Variants in FAM13A observed in about 807,000 individuals in gnomAD.
FAM13A encodes the protein protein FAM13A.
In FAM13A, 76 loss-of-function variants were observed where a neutral mutation model predicts 129.6. The ratio of observed to expected loss-of-function variants is 0.59; its 90% CI spans 0.49 to 0.71. The LOEUF is 0.71. Ranked by LOEUF, FAM13A falls within the 30% of genes least tolerant of loss-of-function variation. FAM13A has a pLI of 0.00. For synonymous variants in FAM13A, 443 were observed against 449.9 expected, an observed-to-expected ratio of 0.98 and a Z score of 0.20; for missense variants, 1,108 against 1,249.3, an observed-to-expected ratio of 0.89 and a Z score of 1.70.
At chr4:89,053,609 G>GA (rs1478306921) in intron 1 of FAM13A, among the ~76,000 whole-genome samples, 1 of 152,102 alleles carries the variant, frequency 6.6e-6, no homozygotes, top group Non-Finnish European at 1.5e-5. Flanking sequence ...AAGTTAGAGA[G>GA]AAAGGCTACG....
intron 6 of FAM13A, among the ~76,000 whole-genome samples, chr4:88,891,760 A>G (rs1745363373): frequency 6.6e-6 from 1 of 152,252 alleles, no homozygotes; most frequent in African/African-American, 2.4e-5. Context: ...TAACTCATTT[A>G]AGACAAAAAC....
At chr4:89,030,916 C>G (rs895361615) in intron 1 of FAM13A, among the ~76,000 whole-genome samples, 2 of 152,074 alleles carry the variant, frequency 1.3e-5, no homozygotes, top group Admixed American at 1.3e-4. Flanking sequence ...AGAATCAGGT[C>G]AGCTTTTACT....
chr4:88,816,875 T>C (rs1315318698), intron 7 of FAM13A, among the ~76,000 whole-genome samples: 1 of 152,214 alleles, frequency 6.6e-6, no homozygotes, highest in African/African-American at 2.4e-5. Flanking sequence ...TAGGGATCCG[T>C]TTGGCTCTAA....
intron 7 of FAM13A, among the ~76,000 whole-genome samples, chr4:88,842,283 A>C (rs538476299): frequency 6.6e-6 from 1 of 152,352 alleles, no homozygotes; most frequent in South Asian, 2.1e-4. Context: ...ATAAAAGGGA[A>C]AATGTTAGCA....
chr4:88,796,712 G>C (rs1413590829), intron 8 of FAM13A, among the ~76,000 whole-genome samples: 4 of 146,332 alleles, frequency 2.7e-5, no homozygotes, highest in African/African-American at 1.0e-4. Context: ...GTTCAACTAG[G>C]TTTTTTTTTT....
At chr4:88,973,438 T>C (rs1760421775) in intron 4 of FAM13A, among the ~76,000 whole-genome samples, 1 of 152,174 alleles carries the variant, frequency 6.6e-6, no homozygotes, top group South Asian at 2.1e-4. Context: ...AGCCTACTAA[T>C]GAGCCCTTTA....
chr4:88,875,434 C>G (rs1045252921), intron 6 of FAM13A, among the ~76,000 whole-genome samples: 2 of 152,250 alleles, frequency 1.3e-5, no homozygotes, highest in South Asian at 2.1e-4. Context: ...AGAACTTAAA[C>G]AAATTTACAA....
At chr4:88,895,129 C>A (rs1022458682) in intron 6 of FAM13A, among the ~76,000 whole-genome samples, 1 of 151,986 alleles carries the variant, frequency 6.6e-6, no homozygotes, top group Non-Finnish European at 1.5e-5. Flanking sequence ...CAATGCTTGG[C>A]ACTTGACTGA....
At chr4:88,879,384 A>C (rs1408011319) in intron 6 of FAM13A, among the ~76,000 whole-genome samples, 1 of 152,236 alleles carries the variant, frequency 6.6e-6, no homozygotes, top group Non-Finnish European at 1.5e-5. Context: ...AAGTAATATA[A>C]GGGTAAAGAG....
chr4:88,748,289 AGAAATCCCT>A (rs1741817092), intron 17 of FAM13A, among the ~76,000 whole-genome samples: 1 of 152,236 alleles, frequency 6.6e-6, no homozygotes. Context: ...CAGTATCAGT[AGAAATCCCT>A]GAATTATTAT....
intron 19 of FAM13A, among the ~76,000 whole-genome samples, chr4:88,741,970 A>C (rs115946554): frequency 0.014 from 2,190 of 152,346 alleles, 51 homozygotes; most frequent in African/African-American, 0.05. Context: ...CACATGTAAT[A>C]ATCTTTTAAA....
chr4:88,896,721 C>T lies in FAM13A; in HGVS notation c.843+9658G>A, dbSNP rs568293807. The stretch of plus-strand genomic sequence containing the variant: ...GCTTGACAACTATACTTCTTTATCC[C>T]GCATCTTATAGTTAATATGACTCTG... On this transcript the variant is annotated intron_variant, in intron 6 of 23. Transcript: ENST00000264344. Among the ~76,000 whole-genome samples, 4 of 152,214 alleles carry T rather than the reference C, an allele frequency of 2.6e-5. No individual in the cohort carries two copies. The East Asian group carries it at 5.8e-4, about 22-fold the overall frequency.
At chr4:89,026,816 T>A (rs1458886693) in intron 2 of FAM13A, among the ~76,000 whole-genome samples, 2 of 152,184 alleles carry the variant, frequency 1.3e-5, no homozygotes, top group African/African-American at 4.8e-5. Flanking sequence ...AGCCTAACCA[T>A]ATCAGTCATC....
intron 4 of FAM13A, among the ~76,000 whole-genome samples, chr4:88,947,903 G>C (rs1299173943): frequency 2.6e-5 from 4 of 152,018 alleles, no homozygotes; most frequent in African/African-American, 9.7e-5. Flanking sequence ...TACAAAGACG[G>C]GTTATCTATT....
chr4:88,769,757 G>T (rs546845183), intron 11 of FAM13A, among the ~76,000 whole-genome samples: 1 of 152,074 alleles, frequency 6.6e-6, no homozygotes, highest in South Asian at 2.1e-4. Context: ...GCTTGAACCT[G>T]GGAGGTGGAG....
At chr4:88,851,378 G>C (rs1737542234) in intron 6 of FAM13A, among the ~76,000 whole-genome samples, 195 bp from the exon 7 acceptor site, 1 of 151,882 alleles carries the variant, frequency 6.6e-6, no homozygotes, top group Admixed American at 6.6e-5. Context: ...GGGAAGGGGA[G>C]ATACAAATAT....
At position 88,989,212 on chromosome 4, in the gene FAM13A, C is replaced by G. The variant is rs552370662; in HGVS notation, c.605+1761G>C. Among the ~76,000 whole-genome samples, 4 of 14,794 alleles carry G rather than the reference C, an allele frequency of 2.7e-4. No individual in the cohort carries two copies. In the East Asian group the frequency reaches 5.1e-3, roughly 19 times the overall value. The allele number at this position is 14,794 out of a possible 152,430, so 9.7% of individuals were successfully genotyped here. A position where few individuals can be genotyped will look rare whatever the true frequency, so the allele number is the denominator to read the frequency against. On this transcript the variant is annotated intron_variant, in intron 4 of 23. Coordinates refer to ENST00000264344, the MANE Select transcript of FAM13A (RefSeq NM_014883.4). ...GACAGAGCCAGACTCTGTCTCAAAA[C>G]AAACAAACAAACAAACAAAAAGCTA...
intron 2 of FAM13A, among the ~76,000 whole-genome samples, chr4:89,026,733 C>T (rs1416752853): frequency 6.6e-6 from 1 of 152,184 alleles, no homozygotes. Flanking sequence ...TCAATTACCT[C>T]CACTTGGTCT....
At position 88,787,922 on chromosome 4, in the gene FAM13A, T is replaced by C; in HGVS notation, c.1102A>G (p.Arg368Gly). The change falls in exon 10 of 24, where the codon AGA becomes GGA. Residue 368 changes from arginine to glycine, a missense_variant. Physicochemically the swap from Arg to Gly is moderately radical, Grantham distance 125. Coordinates refer to ENST00000264344, the MANE Select transcript of FAM13A (RefSeq NM_014883.4). ...TGTTCTACAGCTGATCGGATGGTTC[T>C]TTCTAAGAGTCTGGCAAAAAAGAAT... Reference protein sequence around the residue: ...NVSATGELLERTIRSAVEQHL... With the variant: ...NVSATGELLEGTIRSAVEQHL... The C allele has an allele frequency of 6.2e-7, 1 of 1,612,222 alleles. No individual in the cohort carries two copies. The highest frequency in any genetic ancestry group is 1.1e-5 in the South Asian group (1 of 90,838).
Sources: gnomAD v4.1 joint callset for allele counts (sites outside exome capture counted in the v4.1 genomes callset) on GRCh38, gnomAD v4.1.1 for gene constraint, MANE v1.5 for transcripts, NCBI Gene and HGNC (gene_info 2026-07-23, HGNC 2026-07-21) for gene names.